Variants in CHEK2 observed in about 807,000 individuals in gnomAD.
The protein encoded by CHEK2 is serine/threonine-protein kinase Chk2.
CHEK2 carries 71 observed loss-of-function variants against 69.1 expected under a neutral mutation model. The observed-to-expected ratio is 1.03, with a 90% CI of 0.85 to 1.25. The LOEUF (loss-of-function observed/expected upper bound fraction) is 1.25. Among genes scored for constraint, CHEK2 ranks in the 50% most tolerant of loss-of-function variants. The pLI is 0.00. For synonymous variants in CHEK2, 189 were observed against 226.9 expected, an observed-to-expected ratio of 0.83 and a Z score of 1.50; for missense variants, 664 against 649.6, an observed-to-expected ratio of 1.02 and a Z score of -0.24.
At chr22:28,712,284 C>A (rs952772757) in intron 5 of CHEK2, 1 of 458,510 alleles carries the variant, frequency 2.2e-6, no homozygotes, top group Non-Finnish European at 3.9e-6. Flanking sequence ...TGTGAAATTC[C>A]CAGAAAGATA....
Position 28,696,883 on chromosome 22 carries a change from A to G in CHEK2, c.1095+18T>C. On this transcript the variant is annotated intron_variant, in intron 10 of 14. Coordinates refer to ENST00000404276, the MANE Select transcript of CHEK2 (RefSeq NM_007194.4). ...AGAATCTACAGGAATAGCCACATAC[A>G]GAATGCCAATTTCTTACCTTTATAA... The G allele has an allele frequency of 6.5e-7, 1 of 1,546,730 alleles. No individual in the cohort carries two copies. The highest frequency in any genetic ancestry group is 1.4e-5 in the African/African-American group (1 of 73,642).
At chr22:28,708,951 T>C in intron 7 of CHEK2, 1 of 225,496 alleles carries the variant, frequency 4.4e-6, no homozygotes, top group South Asian at 2.4e-5. Context: ...AGCCTCCGTC[T>C]CAAAAAAAAA....
At chr22:28,705,220 G>A (rs895408527) in intron 7 of CHEK2, among the ~76,000 whole-genome samples, 5 of 151,480 alleles carry the variant, frequency 3.3e-5, no homozygotes, top group African/African-American at 1.2e-4. Context: ...TTGGGATTAT[G>A]AGTGCCTGCC....
chr22:28,729,257 C>T, intron 2 of CHEK2: 1 of 267,302 alleles, frequency 3.7e-6, no homozygotes, highest in Non-Finnish European at 7.5e-6. Context: ...AGAATTAACC[C>T]AGGACGCCAG....
intron 9 of CHEK2, 146 bp downstream of exon 9, chr22:28,699,692 G>A (rs1254910644): frequency 1.3e-5 from 9 of 710,848 alleles, no homozygotes; most frequent in Non-Finnish European, 2.3e-5. Flanking sequence ...AGTGAAAGGA[G>A]TAGGACATTT....
chr22:28,705,798 T>C (rs920078254), intron 7 of CHEK2, among the ~76,000 whole-genome samples: 1 of 151,572 alleles, frequency 6.6e-6, no homozygotes, highest in Non-Finnish European at 1.5e-5. Flanking sequence ...TGGTGGTGCA[T>C]GCCTGTAATC....
At chr22:28,700,913 C>G (rs1468181979) in intron 8 of CHEK2, among the ~76,000 whole-genome samples, 3 of 152,100 alleles carry the variant, frequency 2.0e-5, no homozygotes, top group Non-Finnish European at 4.4e-5. Flanking sequence ...CCTCAGCCTC[C>G]CAAGTAGCTG....
intron 2 of CHEK2, among the ~76,000 whole-genome samples, chr22:28,730,771 T>C (rs1321334170): frequency 6.6e-6 from 1 of 152,072 alleles, no homozygotes; most frequent in Non-Finnish European, 1.5e-5. Flanking sequence ...GGCAGGAGAA[T>C]CGCTTGAAAC....
At position 28,725,416 on chromosome 22, in the gene CHEK2, A is replaced by T. The variant is rs1316760739; in HGVS notation, c.320-49T>A. 4 of 1,612,066 alleles carry T rather than the reference A, an allele frequency of 2.5e-6. No homozygotes were observed. The East Asian group carries it at 8.9e-5, about 36-fold the overall frequency. ...GAGGGCTGTTGAATTTCATGTATCA[A>T]ACGTTTAAAAATTGCTCATAAATGC... On this transcript the variant is annotated intron_variant, in intron 2 of 14. Transcript: ENST00000404276.
At chr22:28,729,375 T>C in intron 2 of CHEK2, 1 of 172,578 alleles carries the variant, frequency 5.8e-6, no homozygotes, top group South Asian at 9.2e-5. Flanking sequence ...ACCCCGTCTC[T>C]ACTAAAAATA....
chr22:28,710,547 T>C (rs1251358271), intron 6 of CHEK2, among the ~76,000 whole-genome samples: 2 of 152,234 alleles, frequency 1.3e-5, no homozygotes, highest in African/African-American at 4.8e-5. Context: ...AAGTCAAATT[T>C]CTGCTAATAG....
intron 2 of CHEK2, among the ~76,000 whole-genome samples, chr22:28,729,994 C>T (rs1214964522): frequency 6.6e-6 from 1 of 151,366 alleles, no homozygotes; most frequent in Non-Finnish European, 1.5e-5. Flanking sequence ...CTCCTGCCAC[C>T]ACGCCCGGCT....
In CHEK2 at chr22:28,697,466, T is replaced by C. The variant is rs1435645411; in HGVS notation, c.1009-479A>G. On this transcript the variant is annotated intron_variant, in intron 9 of 14. Coordinates refer to ENST00000404276, the MANE Select transcript of CHEK2 (RefSeq NM_007194.4). The stretch of plus-strand genomic sequence containing the variant: ...TATCTGTTTATGTGAGTTAACCTAT[T>C]CCTCAATGCAAAGACTTTGTCTTTG... 2.0e-5 allele frequency among the ~76,000 whole-genome samples: 3 copies of C among 152,206 alleles called. No homozygotes were observed. In the East Asian group the frequency reaches 5.8e-4, roughly 29 times the overall value.
intron 8 of CHEK2, among the ~76,000 whole-genome samples, chr22:28,700,891 G>C (rs989230855): frequency 2.6e-5 from 4 of 152,070 alleles, no homozygotes; most frequent in Admixed American, 2.6e-4. Flanking sequence ...CCAGGTTCAA[G>C]CGATTCTCCT....
At chr22:28,702,448 C>G (rs1229148494) in intron 8 of CHEK2, among the ~76,000 whole-genome samples, 1 of 151,282 alleles carries the variant, frequency 6.6e-6, no homozygotes, top group African/African-American at 2.4e-5. Context: ...CCGTGTTAGC[C>G]AGGATGGCCT....
chr22:28,695,292 G>T (rs375832920), intron 11 of CHEK2, 50 bp from the exon 12 acceptor site: 3 of 978,258 alleles, frequency 3.1e-6, no homozygotes, highest in Non-Finnish European at 5.0e-6. Context: ...GGCATTCTCA[G>T]TGGCATTCAG....
At position 28,734,827 on chromosome 22, in the gene CHEK2, A is replaced by T. The variant is rs2054347653; in HGVS notation, c.-6-100T>A. The stretch of plus-strand genomic sequence containing the variant: ...CCTATTACAACAGCAAAAGAAAAGA[A>T]AAAAAAAAAAACAGGGCAAACATGC... On this transcript the variant is annotated intron_variant, in intron 1 of 14. Transcript: ENST00000404276. 3.3e-6 allele frequency: 3 copies of T among 907,250 alleles called. No homozygotes were observed. In the Admixed American group the frequency reaches 7.7e-5, roughly 23 times the overall value. 56.2% of individuals were successfully genotyped at this position (907,250 alleles called of 1,614,324 possible).
intron 7 of CHEK2, among the ~76,000 whole-genome samples, chr22:28,707,200 T>C (rs1051325078): frequency 6.6e-6 from 1 of 152,228 alleles, no homozygotes; most frequent in Non-Finnish European, 1.5e-5. Context: ...CAGAAGCTAC[T>C]AACCCACACC....
chr22:28,736,150 T>C (rs750216722), intron 1 of CHEK2, among the ~76,000 whole-genome samples: 9 of 152,202 alleles, frequency 5.9e-5, no homozygotes, highest in Non-Finnish European at 8.8e-5. Flanking sequence ...TTAGGTGTAT[T>C]AAATGTAATT....
Sources: gnomAD v4.1 joint callset for allele counts (sites outside exome capture counted in the v4.1 genomes callset) on GRCh38, gnomAD v4.1.1 for gene constraint, MANE v1.5 for transcripts, NCBI Gene and HGNC (gene_info 2026-07-23, HGNC 2026-07-21) for gene names.